CSMD1: variants seen among roughly 807,000 people sequenced by gnomAD.
The protein encoded by CSMD1 is CUB and Sushi multiple domains 1.
CSMD1 carries 213 observed loss-of-function variants against 417.5 expected under a neutral mutation model. The observed-to-expected ratio is 0.51, with a 90% CI of 0.46 to 0.57. The LOEUF is 0.57. Ranked by LOEUF, CSMD1 falls within the 20% of genes least tolerant of loss-of-function variation. CSMD1 has a pLI of 0.00. For synonymous variants in CSMD1, 2,862 were observed against 1,736.8 expected, an observed-to-expected ratio of 1.65 and a Z score of -16.11; for missense variants, 6,923 against 4,529.7, an observed-to-expected ratio of 1.53 and a Z score of -15.17.
intron 13 of CSMD1, among the ~76,000 whole-genome samples, chr8:3,409,065 T>G (rs560734173): frequency 6.6e-6 from 1 of 152,118 alleles, no homozygotes; most frequent in Non-Finnish European, 1.5e-5. Flanking sequence ...TGTGTTTAAG[T>G]GTTATACAGC....
intron 3 of CSMD1, among the ~76,000 whole-genome samples, chr8:4,302,408 A>G (rs1798027276): frequency 1.3e-5 from 2 of 152,224 alleles, no homozygotes; most frequent in Admixed American, 6.5e-5. Context: ...ACCTTTATAT[A>G]TGTGATTACT....
At chr8:3,725,107 G>C (rs945940615) in intron 6 of CSMD1, among the ~76,000 whole-genome samples, 3 of 152,194 alleles carry the variant, frequency 2.0e-5, no homozygotes, top group African/African-American at 4.8e-5. Flanking sequence ...TGGAAGGTGA[G>C]TTTTCAGCAA....
chr8:4,838,923 T>C (rs1800672354), intron 1 of CSMD1, among the ~76,000 whole-genome samples: 1 of 152,240 alleles, frequency 6.6e-6, no homozygotes, highest in African/African-American at 2.4e-5. Flanking sequence ...CATAAACTTA[T>C]TTTATGAAAG....
chr8:4,337,278 A>C (rs554914458), intron 3 of CSMD1, among the ~76,000 whole-genome samples: 1 of 152,160 alleles, frequency 6.6e-6, no homozygotes, highest in East Asian at 1.9e-4. Flanking sequence ...TAAATGCTTA[A>C]TTTCTGCTTG....
At position 3,118,598 on chromosome 8, in the gene CSMD1, C is replaced by G. The variant is rs369956210; in HGVS notation, c.6242-11G>C. On this transcript the variant is annotated splice_polypyrimidine_tract_variant and intron_variant, in intron 41 of 69. Transcript: ENST00000635120. ...TCTGTAATTCATAGGCTGAAAGAAA[C>G]AAACAGACAAAATAAAGCTTATATT... 1.1e-4 allele frequency: 183 copies of G among 1,608,310 alleles called. 3 individuals are homozygous for G. The Middle Eastern group carries it at 1.5e-3, about 13-fold the overall frequency.
intron 2 of CSMD1, among the ~76,000 whole-genome samples, chr8:4,478,010 A>G (rs1008921240): frequency 6.6e-6 from 1 of 152,186 alleles, no homozygotes; most frequent in Non-Finnish European, 1.5e-5. Flanking sequence ...CCGGGAACTC[A>G]GTGAATTCTA....
chr8:4,744,513 A>C (rs1194032263), intron 1 of CSMD1, among the ~76,000 whole-genome samples: 3 of 152,172 alleles, frequency 2.0e-5, no homozygotes, highest in African/African-American at 7.2e-5. Context: ...TCTTTGTGAT[A>C]ATGGTATATG....
At chr8:4,130,564 C>T (rs979230686) in intron 3 of CSMD1, among the ~76,000 whole-genome samples, 1 of 152,098 alleles carries the variant, frequency 6.6e-6, no homozygotes, top group Admixed American at 6.6e-5. Flanking sequence ...AAATCAATTA[C>T]CACTGACCTT....
intron 1 of CSMD1, among the ~76,000 whole-genome samples, chr8:4,956,558 A>G: frequency 6.7e-6 from 1 of 149,708 alleles, no homozygotes; most frequent in Non-Finnish European, 1.5e-5. Context: ...ATATCATAAC[A>G]TATAATATAT....
chr8:4,616,960 C>G (rs181238018), intron 2 of CSMD1, among the ~76,000 whole-genome samples: 1 of 95,756 alleles, frequency 1.0e-5, no homozygotes, highest in African/African-American at 5.2e-5. Context: ...TTATTCCAAG[C>G]AGATTTCTTT....
chr8:3,887,063 A>C (rs1237216986), intron 5 of CSMD1, among the ~76,000 whole-genome samples: 1 of 152,140 alleles, frequency 6.6e-6, no homozygotes, highest in African/African-American at 2.4e-5. Flanking sequence ...CCACCTACAC[A>C]TCAAGACACA....
At chr8:4,497,705 T>C (rs1563233565) in intron 2 of CSMD1, among the ~76,000 whole-genome samples, 1 of 152,188 alleles carries the variant, frequency 6.6e-6, no homozygotes, top group Non-Finnish European at 1.5e-5. Context: ...ATAAATAGTG[T>C]GCAAGCTAAA....
In CSMD1 at chr8:3,091,422, A is replaced by G. The variant is rs112746976; in HGVS notation, c.7285+94T>C. 2,782 of 899,642 alleles carry G rather than the reference A, an allele frequency of 3.1e-3. 60 individuals are homozygous for G. In the African/African-American group the frequency reaches 0.043, roughly 14 times the overall value. 55.7% of individuals were successfully genotyped at this position (899,642 alleles called of 1,614,324 possible). A position where few individuals can be genotyped will look rare whatever the true frequency, so the allele number is the denominator to read the frequency against. ...TAATTATTAATCTTTAAGAATTAGG[A>G]TTATACTATAAATTTCTATTTAAAT... On this transcript the variant is annotated intron_variant, in intron 48 of 69. Coordinates refer to ENST00000635120, the MANE Select transcript of CSMD1 (RefSeq NM_033225.6).
intron 34 of CSMD1, 138 bp downstream of exon 34, chr8:3,189,774 T>G: frequency 4.4e-6 from 3 of 688,494 alleles, no homozygotes; most frequent in Non-Finnish European, 7.1e-6. Flanking sequence ...CTAACTCAAT[T>G]ACTTCCCATG....
chr8:3,653,222 T>G (rs773283846), intron 7 of CSMD1, among the ~76,000 whole-genome samples: 11 of 152,112 alleles, frequency 7.2e-5, no homozygotes, highest in Non-Finnish European at 1.5e-4. Flanking sequence ...AAACTTTTCT[T>G]ATTTTTTACA....
intron 1 of CSMD1, among the ~76,000 whole-genome samples, chr8:4,959,612 C>T (rs145216408): frequency 6.6e-6 from 1 of 152,254 alleles, no homozygotes; most frequent in Non-Finnish European, 1.5e-5. Flanking sequence ...AGCAGGCTTC[C>T]TGGCTTCCAG....
chr8:3,306,529 C>CTGAT (rs1554508595), intron 25 of CSMD1, among the ~76,000 whole-genome samples: 63 of 152,084 alleles, frequency 4.1e-4, no homozygotes, highest in African/African-American at 1.4e-3. Context: ...AGCAGCTGGG[C>CTGAT]TGATTCATTT....
intron 3 of CSMD1, among the ~76,000 whole-genome samples, chr8:4,299,185 A>G (rs1461773527): frequency 6.6e-6 from 1 of 152,230 alleles, no homozygotes; most frequent in Admixed American, 6.5e-5. Flanking sequence ...TAAGAAATTT[A>G]TAGGAGAAAA....
chr8:3,860,886 G>A (rs1003091238), intron 5 of CSMD1, among the ~76,000 whole-genome samples: 1 of 152,240 alleles, frequency 6.6e-6, no homozygotes, highest in South Asian at 2.1e-4. Context: ...TTAAGTTCAG[G>A]TTAGCACTAG....
Sources: gnomAD v4.1 joint callset for allele counts (sites outside exome capture counted in the v4.1 genomes callset) on GRCh38, gnomAD v4.1.1 for gene constraint, MANE v1.5 for transcripts, NCBI Gene and HGNC (gene_info 2026-07-23, HGNC 2026-07-21) for gene names.